TTLL13: variants seen among roughly 807,000 people sequenced by gnomAD.
TTLL13 encodes tubulin tyrosine ligase like 13, also known as tubulin polyglutamylase TTLL13.
chr15:90,264,857 CCCT>C, the TTLL13 span: 1 of 1,536,058 alleles, frequency 6.5e-7, no homozygotes, highest in Non-Finnish European at 8.7e-7. Context: ...ATGCACCTTG[CCCT>C]CCATGGTAAA....
At chr15:90,257,907 C>A in the TTLL13 span, 2 of 973,942 alleles carry the variant, frequency 2.1e-6, no homozygotes, top group Non-Finnish European at 3.1e-6. Flanking sequence ...GATAACTAGT[C>A]CCTGCTCCAA....
the TTLL13 span, chr15:90,250,509 T>C: frequency 4.7e-6 from 6 of 1,277,674 alleles, no homozygotes; most frequent in African/African-American, 9.0e-5. Context: ...GGCAGCAACT[T>C]TCCCTTATAA....
At chr15:90,263,213 G>T in the TTLL13 span, 1 of 1,387,852 alleles carries the variant, frequency 7.2e-7, no homozygotes, top group Non-Finnish European at 9.5e-7. Flanking sequence ...ACATGGTGTT[G>T]GTCTCAACAA....
the TTLL13 span, chr15:90,259,112 C>T: frequency 7.3e-7 from 1 of 1,372,290 alleles, no homozygotes; most frequent in Non-Finnish European, 9.5e-7. Flanking sequence ...TCTGTAATCC[C>T]AGCACTTTGG....
chr15:90,261,542 C>A, the TTLL13 span, among the ~76,000 whole-genome samples: 9 of 152,084 alleles, frequency 5.9e-5, no homozygotes, highest in African/African-American at 1.9e-4. Flanking sequence ...CCTATAATCC[C>A]AGCACTTTGG....
At chr15:90,262,787 A>C in the TTLL13 span, 3 of 1,223,052 alleles carry the variant, frequency 2.5e-6, no homozygotes, top group Admixed American at 2.9e-5. Context: ...AGGAGTTCCT[A>C]ATCAGTAAAT....
At chr15:90,258,856 G>A in the TTLL13 span, 2 of 1,614,212 alleles carry the variant, frequency 1.2e-6, no homozygotes, top group Middle Eastern at 1.6e-4. Context: ...ACAAAAGGAA[G>A]GTGATGGAGG....
the TTLL13 span, chr15:90,262,203 G>A: frequency 6.6e-6 from 10 of 1,522,630 alleles, no homozygotes; most frequent in East Asian, 2.5e-5. Context: ...TACTTTGACC[G>A]ACATTCTCCT....
the TTLL13 span, chr15:90,257,010 A>G: frequency 5.5e-6 from 5 of 911,122 alleles, no homozygotes; most frequent in Admixed American, 1.5e-4. Flanking sequence ...AAGTGGGAGT[A>G]ATAACAGTAA....
chr15:90,251,673 C>T, the TTLL13 span: 8 of 1,521,066 alleles, frequency 5.3e-6, no homozygotes, highest in South Asian at 9.0e-5. Context: ...GGAATGGACC[C>T]CCGATCAGGC....
the TTLL13 span, chr15:90,263,178 A>C: frequency 6.7e-7 from 1 of 1,486,606 alleles, no homozygotes; most frequent in Non-Finnish European, 8.9e-7. Flanking sequence ...CCAGAGGAAA[A>C]GGGAACAAGG....
the TTLL13 span, among the ~76,000 whole-genome samples, chr15:90,252,274 T>C: frequency 6.6e-6 from 1 of 152,064 alleles, no homozygotes; most frequent in Non-Finnish European, 1.5e-5. Context: ...TGACCTCAGG[T>C]GATCCACCCA....
the TTLL13 span, chr15:90,264,852 C>G: frequency 3.9e-6 from 6 of 1,535,926 alleles, no homozygotes; most frequent in South Asian, 3.6e-5. Flanking sequence ...ACTGAATGCA[C>G]CTTGCCCTCC....
At chr15:90,262,427 T>G in the TTLL13 span, 1 of 1,418,296 alleles carries the variant, frequency 7.1e-7, no homozygotes, top group African/African-American at 1.4e-5. Context: ...TCATCCCCAT[T>G]TTTCCTCACC....
chr15:90,256,698 CTCTT>C, the TTLL13 span, among the ~76,000 whole-genome samples: 1 of 150,598 alleles, frequency 6.6e-6, no homozygotes, highest in Non-Finnish European at 1.5e-5. Context: ...ACCTCTCTCT[CTCTT>C]TCTTTCGATG....
chr15:90,256,348 T>A, the TTLL13 span: 12 of 1,607,548 alleles, frequency 7.5e-6, no homozygotes, highest in Middle Eastern at 3.6e-4. Context: ...AGCACTGGGC[T>A]GCCTCATCTC....
At chr15:90,253,114 AG>A in the TTLL13 span, 1 of 567,896 alleles carries the variant, frequency 1.8e-6, no homozygotes, top group Admixed American at 2.9e-5. Context: ...ACTAAAGTAC[AG>A]GGCTGAGGCA....
At chr15:90,250,506 A>T in the TTLL13 span, 2 of 1,247,454 alleles carry the variant, frequency 1.6e-6, no homozygotes, top group Non-Finnish European at 2.2e-6. Context: ...AGGGGCAGCA[A>T]CTTTCCCTTA....
the TTLL13 span, chr15:90,259,176 A>G: frequency 1.6e-6 from 1 of 607,972 alleles, no homozygotes; most frequent in Non-Finnish European, 2.6e-6. Context: ...CAGACTGGGC[A>G]ACATGTGAGA....
Sources: gnomAD v4.1 joint callset for allele counts (sites outside exome capture counted in the v4.1 genomes callset) on GRCh38, gnomAD v4.1.1 for gene constraint, MANE v1.5 for transcripts, NCBI Gene and HGNC (gene_info 2026-07-23, HGNC 2026-07-21) for gene names.